WDR37: variants seen among roughly 807,000 people sequenced by gnomAD.
The protein encoded by WDR37 is WD repeat-containing protein 37.
WDR37 carries 19 observed loss-of-function variants against 62.9 expected under a neutral mutation model. The ratio of observed to expected loss-of-function variants is 0.30; its 90% CI spans 0.21 to 0.44. WDR37 has a LOEUF of 0.44. WDR37 is among the 20% of genes least tolerant of loss of function. The pLI is 1.00. For synonymous variants in WDR37, 250 were observed against 260.9 expected (o/e 0.96, Z 0.40); for missense variants, 474 against 657.6 (o/e 0.72, Z 3.05).
In WDR37 at chr10:1,074,613, A is replaced by G. The variant is rs1049238731; in HGVS notation, c.138+2320A>G. The G allele has an allele frequency of 3.0e-6, 3 of 1,012,528 alleles. No individual in the cohort carries two copies. The East Asian group carries it at 1.8e-4, about 61-fold the overall frequency. The allele number at this position is 1,012,528 out of a possible 1,614,324, so 62.7% of individuals were successfully genotyped here. ...CTTCCCCCTGCCGTGGGCGGGAGAG[A>G]GCTGTGGTGTCTGCCGCACGCGTTT... On this transcript the variant is annotated intron_variant, in intron 2 of 13. Transcript: ENST00000263150.
chr10:1,081,044 A>AT (rs1422473317), intron 5 of WDR37, among the ~76,000 whole-genome samples: 18 of 152,316 alleles, frequency 1.2e-4, no homozygotes, highest in Admixed American at 5.9e-4. Context: ...TAATTGGCTT[A>AT]ATATAAAGGG....
chr10:1,128,336 T>C (rs571026631), intron 13 of WDR37, among the ~76,000 whole-genome samples: 1 of 152,254 alleles, frequency 6.6e-6, no homozygotes, highest in Non-Finnish European at 1.5e-5. Flanking sequence ...AGGCACTGCT[T>C]ACAGATATTC....
chr10:1,061,203 A>G (rs1833361608), intron 1 of WDR37, among the ~76,000 whole-genome samples: 1 of 152,170 alleles, frequency 6.6e-6, no homozygotes, highest in Admixed American at 6.5e-5. Context: ...TAGATCTGCC[A>G]GTCCACCAAC....
intron 1 of WDR37, among the ~76,000 whole-genome samples, chr10:1,069,177 A>T (rs1833643123): frequency 6.6e-6 from 1 of 151,924 alleles, no homozygotes; most frequent in Admixed American, 6.6e-5. Context: ...TGTGCACTTT[A>T]AATAGGTGTC....
chr10:1,086,812 G>A (rs757466966), intron 7 of WDR37, among the ~76,000 whole-genome samples: 12 of 102,944 alleles, frequency 1.2e-4, no homozygotes, highest in African/African-American at 4.4e-4. Flanking sequence ...TGTCCATGTA[G>A]TTAGTTAACG....
At position 1,114,366 on chromosome 10, in the gene WDR37, C is replaced by T. The variant is rs535879976; in HGVS notation, c.1103+9099C>T. On this transcript the variant is annotated intron_variant, in intron 11 of 13. Transcript: ENST00000263150. ...TGCTGTCCTATTTTAAGAAATTGCC[C>T]CAGCCTTCAGCAGCCACCACCCTTA... 1.4e-4 allele frequency among the ~76,000 whole-genome samples: 22 copies of T among 152,292 alleles called. No homozygotes were observed. The East Asian group carries it at 3.9e-3, about 27-fold the overall frequency.
intron 11 of WDR37, among the ~76,000 whole-genome samples, chr10:1,113,490 C>T (rs1486120904): frequency 6.6e-6 from 1 of 151,974 alleles, no homozygotes; most frequent in Non-Finnish European, 1.5e-5. Flanking sequence ...CTATAGCTGC[C>T]ATAGATAGTG....
intron 1 of WDR37, among the ~76,000 whole-genome samples, chr10:1,066,401 C>T (rs1302542283): frequency 1.3e-5 from 2 of 152,202 alleles, no homozygotes; most frequent in South Asian, 4.1e-4. Context: ...TAGGCGTGAG[C>T]CACCTCGCCC....
chr10:1,086,469 C>A, intron 7 of WDR37, 112 bp downstream of exon 7: 1 of 811,814 alleles, frequency 1.2e-6, no homozygotes, highest in Non-Finnish European at 2.0e-6. Context: ...CTTACTGTTT[C>A]GGTTGTCAGG....
chr10:1,066,781 A>G (rs1451446707), intron 1 of WDR37, among the ~76,000 whole-genome samples: 1 of 152,202 alleles, frequency 6.6e-6, no homozygotes, highest in Non-Finnish European at 1.5e-5. Context: ...TACAAAGGAA[A>G]GAGGTTTATT....
At chr10:1,059,507 A>G (rs949118879) in intron 1 of WDR37, among the ~76,000 whole-genome samples, 9 of 152,208 alleles carry the variant, frequency 5.9e-5, no homozygotes, top group African/African-American at 2.2e-4. Context: ...GGAAATATTG[A>G]AAAGAATCTG....
intron 11 of WDR37, 181 bp from the exon 12 acceptor site, chr10:1,124,037 G>A (rs892867680): frequency 1.5e-6 from 1 of 677,650 alleles, no homozygotes; most frequent in Non-Finnish European, 2.4e-6. Flanking sequence ...GAAGAAATCA[G>A]TTGTCCTTTT....
chr10:1,077,121 T>A (rs1242642681), intron 2 of WDR37, among the ~76,000 whole-genome samples: 1 of 152,144 alleles, frequency 6.6e-6, no homozygotes, highest in Admixed American at 6.5e-5. Context: ...GCATAGGCCA[T>A]GCCCTCAGGG....
In WDR37 at chr10:1,131,339, G is replaced by A. The variant is rs1261196300; in HGVS notation, c.*1995G>A. The A allele has an allele frequency of 6.6e-6, 1 of 152,236 alleles. No individual in the cohort carries two copies. The highest frequency in any genetic ancestry group is 1.9e-4 in the East Asian group (1 of 5,200). The allele number at this position is 152,236 out of a possible 1,614,324, so 9.4% of individuals were successfully genotyped here. A position where few individuals can be genotyped will look rare whatever the true frequency, so the allele number is the denominator to read the frequency against. Reference sequence around the variant, plus strand: ...TCTGGGTGTCTTAGGATGATGGTTAGGAACATTGAAAAATGGCTGCAAATA... The same window carrying A: ...TCTGGGTGTCTTAGGATGATGGTTAAGAACATTGAAAAATGGCTGCAAATA... On this transcript the variant is annotated 3_prime_UTR_variant, in exon 14 of 14. Transcript: ENST00000263150.
At chr10:1,125,797 C>T (rs1269037650) in intron 13 of WDR37, among the ~76,000 whole-genome samples, 1 of 152,200 alleles carries the variant, frequency 6.6e-6, no homozygotes, top group Non-Finnish European at 1.5e-5. Context: ...GCTGTTGCGA[C>T]AGGAAGAAAT....
intron 2 of WDR37, 124 bp from the exon 3 acceptor site, chr10:1,077,783 A>G (rs1293090400): frequency 1.4e-5 from 10 of 736,888 alleles, no homozygotes; most frequent in East Asian, 1.2e-4. Flanking sequence ...CATTTTATAT[A>G]TAAAAATATG....
chr10:1,080,513 G>T (rs1203630931), intron 5 of WDR37, 37 bp downstream of exon 5: 1 of 1,608,366 alleles, frequency 6.2e-7, no homozygotes, highest in Non-Finnish European at 8.5e-7. Flanking sequence ...ATCATGTGGT[G>T]GTTAAGGTGT....
chr10:1,103,588 C>T lies in WDR37; in HGVS notation c.727-14C>T. 1 of 1,612,120 alleles carries T rather than the reference C, an allele frequency of 6.2e-7. No individual in the cohort carries two copies. Among genetic ancestry groups the T allele is most frequent in the South Asian group, 1.1e-5 (1 of 91,072 alleles). ...GGAAATGTCTTTCTTTTCTGGCCTTCCCTTTGGCAGCAGATATCTGGGGAA... is the reference window on the plus strand; with the variant it reads ...GGAAATGTCTTTCTTTTCTGGCCTTTCCTTTGGCAGCAGATATCTGGGGAA... On this transcript the variant is annotated splice_polypyrimidine_tract_variant and intron_variant, in intron 9 of 13. Transcript: ENST00000263150. The surrounding 1 kb of genome is among the most constrained non-coding windows in gnomAD (Gnocchi z 6.3).
At chr10:1,115,287 A>G (rs950098774) in intron 11 of WDR37, among the ~76,000 whole-genome samples, 2 of 152,252 alleles carry the variant, frequency 1.3e-5, no homozygotes, top group African/African-American at 4.8e-5. Flanking sequence ...CTTTATTCCC[A>G]AAATGTGGTC....
Sources: allele counts gnomAD v4.1 joint callset (sites outside exome capture counted in the v4.1 genomes callset), GRCh38; gene constraint gnomAD v4.1.1; non-coding constraint Gnocchi (gnomAD v3.1); transcripts MANE v1.5; gene names NCBI Gene and HGNC (gene_info 2026-07-23, HGNC 2026-07-21).